CDH4: variants seen among roughly 807,000 people sequenced by gnomAD.
CDH4 encodes cadherin-4.
Under a neutral mutation model 86.0 loss-of-function variants are expected in CDH4, and 33 were observed. The ratio of observed to expected loss-of-function variants is 0.38; its 90% CI spans 0.29 to 0.51. The LOEUF is 0.51. CDH4 is among the 20% of genes least tolerant of loss of function. The pLI, the probability that CDH4 is intolerant of heterozygous loss-of-function variation, is 0.86. For synonymous variants in CDH4, 555 were observed against 549.4 expected, an observed-to-expected ratio of 1.01 and a Z score of -0.14; for missense variants, 1,114 against 1,307.4, an observed-to-expected ratio of 0.85 and a Z score of 2.28.
chr20:61,886,131 C>T (rs374157196), intron 7 of CDH4, among the ~76,000 whole-genome samples: 25 of 152,294 alleles, frequency 1.6e-4, no homozygotes, highest in African/African-American at 6.0e-4. Context: ...GTGGGGGAGG[C>T]GTGCTTGCAG....
chr20:61,371,686 G>A (rs1318396166), intron 2 of CDH4, among the ~76,000 whole-genome samples: 5 of 152,336 alleles, frequency 3.3e-5, no homozygotes, highest in South Asian at 2.1e-4. Flanking sequence ...GCTGGGTCCC[G>A]GCATCTGGAG....
chr20:61,560,292 G>A (rs2086207273), intron 2 of CDH4, among the ~76,000 whole-genome samples: 1 of 152,218 alleles, frequency 6.6e-6, no homozygotes, highest in Admixed American at 6.5e-5. Flanking sequence ...GGGGGTACAT[G>A]TGCAGGTTTG....
intron 6 of CDH4, among the ~76,000 whole-genome samples, chr20:61,862,753 A>T (rs536440617): frequency 6.6e-6 from 1 of 152,332 alleles, no homozygotes; most frequent in Non-Finnish European, 1.5e-5. Flanking sequence ...AAGGGCTCTA[A>T]TCGGGATGTG....
rs115731457 is a variant in CDH4 at position 61,680,077 on chromosome 20, G to T, written c.170-63486G>T. Among the ~76,000 whole-genome samples the T allele has an allele frequency of 6.7e-3, 1,013 of 152,298 alleles. 11 individuals carry two copies. Among genetic ancestry groups the T allele is most frequent in the Middle Eastern group, 0.017 (5 of 294 alleles). On this transcript the variant is annotated intron_variant, in intron 2 of 15. Transcript: ENST00000614565. ...AAAGGGGAAGCAGGAAGCCATGGAG[G>T]ACCCTGCCCCAGGGCTGCACCCTGC... is the stretch of plus-strand genomic sequence containing the variant.
intron 2 of CDH4, among the ~76,000 whole-genome samples, chr20:61,732,417 A>C (rs2088202430): frequency 1.3e-5 from 2 of 152,142 alleles, no homozygotes; most frequent in Non-Finnish European, 2.9e-5. Flanking sequence ...CCCGGAGCCC[A>C]CAGGCACTGC....
chr20:61,674,751 G>A (rs369872894), intron 2 of CDH4, among the ~76,000 whole-genome samples: 97 of 152,350 alleles, frequency 6.4e-4, no homozygotes, highest in Middle Eastern at 3.4e-3. Context: ...AGTGAGGACT[G>A]CAAAGCCTTA....
Position 61,928,423 on chromosome 20 carries a change from G to A in CDH4, c.2005G>A (p.Gly669Ser), listed in dbSNP as rs200584082. The A allele has an allele frequency of 2.2e-5, 35 of 1,611,226 alleles. No homozygotes were observed. The highest frequency in any genetic ancestry group is 2.7e-5 in the African/African-American group (2 of 74,932). The change falls in exon 12 of 16, where the codon GGT becomes AGT. Residue 669 changes from glycine (G) to serine (S), a missense_variant and splice_region_variant. This residue lies in a region of CDH4 where 705 missense variants were observed against 914.1 expected (regional missense o/e 0.77). Coordinates refer to ENST00000614565, the MANE Select transcript of CDH4 (RefSeq NM_001794.5). Reference sequence around the variant, plus strand: ...GAACTGGACCATCACCCGCCTGAACGGTGAGCCCGCCTTAGGCCACGGGGA... The same window carrying A: ...GAACTGGACCATCACCCGCCTGAACAGTGAGCCCGCCTTAGGCCACGGGGA... ...RKNWTITRLNGDYAQLSLRIL... is the reference protein window; with the variant it reads ...RKNWTITRLNSDYAQLSLRIL...
chr20:61,403,931 T>A (rs2085064564), intron 2 of CDH4, among the ~76,000 whole-genome samples: 1 of 152,226 alleles, frequency 6.6e-6, no homozygotes, highest in Admixed American at 6.5e-5. Flanking sequence ...CAGTGTGTGA[T>A]CTCCAGCTCA....
rs369731867 is a variant in CDH4 at position 61,700,967 on chromosome 20, G to A, written c.170-42596G>A. 1.5e-4 allele frequency among the ~76,000 whole-genome samples: 23 copies of A among 152,322 alleles called. No individual in the cohort carries two copies. The South Asian group carries it at 4.6e-3, about 30-fold the overall frequency. On this transcript the variant is annotated intron_variant, in intron 2 of 15. Coordinates refer to ENST00000614565, the MANE Select transcript of CDH4 (RefSeq NM_001794.5). ...TGTTCCAGGGCCGCCATAACAGAGC[G>A]CCACAGAGGGGCGGTGTAAACAGCA...
chr20:61,552,303 A>G (rs2086138047), intron 2 of CDH4, among the ~76,000 whole-genome samples: 1 of 152,272 alleles, frequency 6.6e-6, no homozygotes, highest in South Asian at 2.1e-4. Flanking sequence ...ATTTCAAATG[A>G]GCAAAAGTTT....
intron 7 of CDH4, among the ~76,000 whole-genome samples, chr20:61,883,885 AACAGACGG>A (rs1328154182): frequency 1.3e-5 from 2 of 152,174 alleles, no homozygotes; most frequent in African/African-American, 4.8e-5. Flanking sequence ...GAGACAGAGA[AACAGACGG>A]ACAGACAGAG....
In CDH4 at chr20:61,715,972, T is replaced by C. The variant is rs373427939; in HGVS notation, c.170-27591T>C. Among the ~76,000 whole-genome samples the C allele has an allele frequency of 2.0e-3, 298 of 152,364 alleles. 18 individuals carry two copies. The South Asian group carries it at 0.058, about 30-fold the overall frequency. Reference sequence around the variant, plus strand: ...CCTGACAAAGTTCCACAGCCCCCTCTGGGCTTTCTTCGGCCAGACATGCCT... The same window carrying C: ...CCTGACAAAGTTCCACAGCCCCCTCCGGGCTTTCTTCGGCCAGACATGCCT... On this transcript the variant is annotated intron_variant, in intron 2 of 15. Transcript: ENST00000614565.
At chr20:61,357,265 C>T (rs146282084) in intron 2 of CDH4, among the ~76,000 whole-genome samples, 9 of 152,212 alleles carry the variant, frequency 5.9e-5, no homozygotes, top group South Asian at 4.1e-4. Context: ...TTCAGCCTCG[C>T]CTTGGACATC....
At chr20:61,374,449 T>C (rs1392470396) in intron 2 of CDH4, among the ~76,000 whole-genome samples, 1 of 152,178 alleles carries the variant, frequency 6.6e-6, no homozygotes, top group African/African-American at 2.4e-5. Flanking sequence ...GCTTGCAGAC[T>C]GCCCGATCTC....
chr20:61,558,623 G>A (rs1212993982), intron 2 of CDH4, among the ~76,000 whole-genome samples: 5 of 152,232 alleles, frequency 3.3e-5, no homozygotes, highest in Admixed American at 1.3e-4. Flanking sequence ...GAAGGTCGTG[G>A]TAGTGATCAT....
Position 61,676,806 on chromosome 20 carries a change from A to G in CDH4, c.170-66757A>G, listed in dbSNP as rs2087449235. Among the ~76,000 whole-genome samples the G allele has an allele frequency of 6.6e-6, 1 of 152,154 alleles. No homozygotes were observed. On this transcript the variant is annotated intron_variant, in intron 2 of 15. Coordinates refer to ENST00000614565, the MANE Select transcript of CDH4 (RefSeq NM_001794.5). The surrounding 1 kb of genome is among the most constrained non-coding windows in gnomAD (Gnocchi z 4.5). ...AAAGTGGGATCAGGATGAGGCTTGGAGTGGAAGGGGGTTGCTGTTGTCCAA... is the reference window on the plus strand; with the variant it reads ...AAAGTGGGATCAGGATGAGGCTTGGGGTGGAAGGGGGTTGCTGTTGTCCAA...
chr20:61,761,159 C>A (rs552759988), intron 3 of CDH4, among the ~76,000 whole-genome samples: 4 of 152,108 alleles, frequency 2.6e-5, no homozygotes, highest in South Asian at 4.2e-4. Context: ...TTTAGGGCAC[C>A]CCCTTTTTTA....
chr20:61,909,876 G>A (rs191940781), intron 8 of CDH4, among the ~76,000 whole-genome samples: 33 of 152,366 alleles, frequency 2.2e-4, no homozygotes, highest in African/African-American at 7.7e-4. Flanking sequence ...TGGAAACTTT[G>A]GGACCTGGAA....
intron 2 of CDH4, among the ~76,000 whole-genome samples, chr20:61,716,860 A>T (rs1338546696): frequency 6.6e-6 from 1 of 152,174 alleles, no homozygotes; most frequent in Non-Finnish European, 1.5e-5. Flanking sequence ...GGGAGCTGAG[A>T]TCCCACCACT....
Sources: allele counts gnomAD v4.1 joint callset (sites outside exome capture counted in the v4.1 genomes callset), GRCh38; gene constraint gnomAD v4.1.1; regional missense constraint gnomAD v4.1.1; non-coding constraint Gnocchi (gnomAD v3.1); transcripts MANE v1.5; gene names NCBI Gene and HGNC (gene_info 2026-07-23, HGNC 2026-07-21).